Variants in CRYBG3 observed in about 807,000 individuals in gnomAD.
The protein encoded by CRYBG3 is crystallin beta-gamma domain containing 3.
In CRYBG3, 127 loss-of-function variants were observed where a neutral mutation model predicts 244.2. The ratio of observed to expected loss-of-function variants is 0.52; its 90% CI spans 0.45 to 0.60. The LOEUF is 0.60. CRYBG3 is among the 20% of genes least tolerant of loss of function. The pLI is 0.00. For missense variants in CRYBG3, 3,325 were observed against 3,442.5 expected (o/e 0.97, Z 0.85); for synonymous variants, 1,132 against 1,195.8 (o/e 0.95, Z 1.10).
chr3:97,840,216 G>T (rs961748493), intron 1 of CRYBG3, among the ~76,000 whole-genome samples: 6 of 151,982 alleles, frequency 3.9e-5, no homozygotes, highest in African/African-American at 1.2e-4. Context: ...GTGGTTCTGG[G>T]TAACAGTTGT....
intron 9 of CRYBG3, among the ~76,000 whole-genome samples, chr3:97,888,986 T>G (rs2039541471): frequency 6.6e-6 from 1 of 152,266 alleles, no homozygotes; most frequent in Non-Finnish European, 1.5e-5. Flanking sequence ...CTCTGCTGAA[T>G]GAGATTTCTA....
intron 17 of CRYBG3, among the ~76,000 whole-genome samples, chr3:97,926,627 G>C (rs2040043101): frequency 6.6e-6 from 1 of 151,948 alleles, no homozygotes; most frequent in Non-Finnish European, 1.5e-5. Flanking sequence ...AGGGAGTCAA[G>C]CTATCTCTCT....
intron 1 of CRYBG3, among the ~76,000 whole-genome samples, chr3:97,839,709 T>C (rs1273187200): frequency 6.6e-6 from 1 of 151,798 alleles, no homozygotes; most frequent in Admixed American, 6.6e-5. Context: ...TACAGTGGCG[T>C]CCTGAATAGC....
intron 3 of CRYBG3, among the ~76,000 whole-genome samples, chr3:97,865,163 A>G (rs1213691459): frequency 6.6e-6 from 1 of 152,224 alleles, no homozygotes; most frequent in East Asian, 1.9e-4. Flanking sequence ...TTTGATTAAC[A>G]AACACACATC....
At chr3:97,840,085 A>G (rs368338008) in intron 1 of CRYBG3, among the ~76,000 whole-genome samples, 99 of 152,142 alleles carry the variant, frequency 6.5e-4, no homozygotes, top group South Asian at 1.4e-3. Context: ...AAAAAATACA[A>G]GTAAAACCAG....
At chr3:97,942,734 A>G in intron 21 of CRYBG3, 1 of 264,314 alleles carries the variant, frequency 3.8e-6, no homozygotes, top group Non-Finnish European at 7.0e-6. Context: ...AATGAATGTC[A>G]TCTGTTTCTT....
chr3:97,890,600 G>A (rs1469954433), intron 10 of CRYBG3, among the ~76,000 whole-genome samples: 2 of 152,104 alleles, frequency 1.3e-5, no homozygotes, highest in East Asian at 3.8e-4. Flanking sequence ...ATAAAACTTT[G>A]TCATCTCAAA....
intron 15 of CRYBG3, among the ~76,000 whole-genome samples, chr3:97,907,348 A>C (rs1466740955): frequency 6.6e-6 from 1 of 152,176 alleles, no homozygotes; most frequent in Non-Finnish European, 1.5e-5. Context: ...TACCTCTGGT[A>C]GAATTCGGCT....
In CRYBG3 at chr3:97,864,425, A is replaced by G; in HGVS notation, c.425A>G (p.Gln142Arg). ...SGKSSLGEAK[Q>R]SSFKDDQDKT... ...AAATCATCTCTAGGTGAAGCTAAGC[A>G]GTCTTCTTTCAAAGATGACCAGGAT... Residue 142 changes from glutamine (Q) to arginine (R), a missense_variant, in exon 3 of 22, where the codon CAG becomes CGG. Physicochemically the swap from Gln to Arg is conservative, Grantham distance 43. Around this residue, in one of 4 missense-constraint regions of CRYBG3, gnomAD observed 1,526 missense variants for 1,443.2 expected, o/e 1.06. Coordinates refer to ENST00000389622, the MANE Select transcript of CRYBG3 (RefSeq NM_153605.4). 6.5e-7 allele frequency: 1 copy of G among 1,535,802 alleles called. No individual in the cohort carries two copies. The highest frequency in any genetic ancestry group is 8.7e-7 in the Non-Finnish European group (1 of 1,146,636).
chr3:97,899,104 T>C (rs1400608230), intron 13 of CRYBG3, 33 bp from the exon 14 acceptor site: 1 of 1,600,814 alleles, frequency 6.2e-7, no homozygotes, highest in Non-Finnish European at 8.5e-7. Context: ...TCACTTGTTT[T>C]TATTTTTTTG....
At position 97,941,176 on chromosome 3, in the gene CRYBG3, G is replaced by A. The variant is rs764082099; in HGVS notation, c.8534G>A (p.Arg2845His). 2.1e-5 allele frequency: 34 copies of A among 1,610,952 alleles called. No individual in the cohort carries two copies. Among genetic ancestry groups the A allele is most frequent in the Admixed American group, 1.8e-4 (11 of 59,752 alleles). Residue 2845 changes from arginine to histidine, a missense_variant, in exon 20 of 22, where the codon CGT becomes CAT. Arg to His is a conservative substitution (Grantham distance 29). Transcript: ENST00000389622. ...QPAVYIRIKN[R>H]AQGEYLTVTG... is the part of the protein sequence containing the mutation. ...GCAGTGTACATCAGAATAAAGAACC[G>A]TGCCCAGGGTGAATATCTGACAGTC...
intron 20 of CRYBG3, 82 bp downstream of exon 20, chr3:97,941,388 C>A: frequency 1.0e-6 from 1 of 982,512 alleles, no homozygotes; most frequent in Non-Finnish European, 1.4e-6. Flanking sequence ...AATCAACTGG[C>A]ATGATAAAAC....
chr3:97,923,643 A>G (rs924459725), intron 17 of CRYBG3, among the ~76,000 whole-genome samples: 36 of 152,108 alleles, frequency 2.4e-4, no homozygotes, highest in African/African-American at 7.7e-4. Context: ...AAGAGCATCT[A>G]TGGTGTAAAT....
chr3:97,880,805 C>A (rs922188165), intron 6 of CRYBG3, among the ~76,000 whole-genome samples: 2 of 152,212 alleles, frequency 1.3e-5, no homozygotes, highest in African/African-American at 4.8e-5. Context: ...AAAGAGCATA[C>A]ATACATAAAT....
chr3:97,875,833 G>A lies in CRYBG3; in HGVS notation c.4639G>A (p.Gly1547Arg). The A allele has an allele frequency of 8.1e-7, 1 of 1,231,754 alleles. No individual in the cohort carries two copies. The allele number at this position is 1,231,754 out of a possible 1,614,324, so 76.3% of individuals were successfully genotyped here. Residue 1547 changes from glycine to arginine, a missense_variant, in exon 4 of 22, where the codon GGG becomes AGG. Physicochemically the swap from Gly to Arg is moderately radical, Grantham distance 125 (BLOSUM62 -2). This residue lies in a region of CRYBG3 where 635 missense variants were observed against 771.7 expected (regional missense o/e 0.82). Coordinates refer to ENST00000389622, the MANE Select transcript of CRYBG3 (RefSeq NM_153605.4). ...ACTTATACCTTCCATGTTAGAAACA[G>A]GGAAAACAAACAAAAAGGATGCTGA... ...IELIPSMLET[G>R]KTNKKDAELN... is the part of the protein sequence containing the mutation.
Position 97,881,209 on chromosome 3 carries a change from G to T in CRYBG3, c.7142G>T (p.Arg2381Leu), listed in dbSNP as rs11918990. The change falls in exon 7 of 22, where the codon CGT becomes CTT. Residue 2381 changes from arginine to leucine, a missense_variant. Coordinates refer to ENST00000389622, the MANE Select transcript of CRYBG3 (RefSeq NM_153605.4). ...AACTTTATATTGGGTTCTCTCAAAC[G>T]TGTCTTAAAGGTAACAACTGTAGAT... is the stretch of plus-strand genomic sequence containing the variant. ...QRNFILGSLKRVLKDCSIPEI... is the reference protein window; with the variant it reads ...QRNFILGSLKLVLKDCSIPEI... The T allele has an allele frequency of 7.9e-4, 1,271 of 1,600,858 alleles. 13 individuals are homozygous for T. In the African/African-American group the frequency reaches 0.015, roughly 19 times the overall value.
Position 97,880,080 on chromosome 3 carries a change from A to G in CRYBG3, c.6984A>G (p.Leu2328=). 1 of 1,583,966 alleles carries G rather than the reference A, an allele frequency of 6.3e-7. No individual in the cohort carries two copies. Among genetic ancestry groups the G allele is most frequent in the Non-Finnish European group, 8.6e-7 (1 of 1,158,144 alleles). The part of the protein sequence containing the change: ...ATSWSFPNGV[L]IKVVRGCWIL... Reference sequence around the variant, plus strand: ...CATGGTCTTTTCCAAATGGAGTTCTAATAAAAGTTGTAAGGGGCTGGTAAG... The same window carrying G: ...CATGGTCTTTTCCAAATGGAGTTCTGATAAAAGTTGTAAGGGGCTGGTAAG... The change falls in exon 6 of 22, where the codon CTA becomes CTG. Residue 2328 remains leucine, a synonymous_variant. Coordinates refer to ENST00000389622, the MANE Select transcript of CRYBG3 (RefSeq NM_153605.4).
intron 19 of CRYBG3, among the ~76,000 whole-genome samples, chr3:97,938,233 T>C (rs927660095): frequency 6.6e-6 from 1 of 152,022 alleles, no homozygotes. Context: ...AAAATGGGGA[T>C]AATGATTCCT....
rs540056582 is a variant in CRYBG3 at position 97,874,133 on chromosome 3, C to A, written c.2939C>A (p.Ser980Tyr). Residue 980 changes from serine (S) to tyrosine (Y), a missense_variant, in exon 4 of 22, where the codon TCT (serine) becomes TAT (tyrosine). Coordinates refer to ENST00000389622, the MANE Select transcript of CRYBG3 (RefSeq NM_153605.4). ...SLDICGTKKI[S>Y]GHSEMAELSL... ...GATATTTGTGGGACTAAAAAGATTTCTGGTCACTCAGAAATGGCGGAACTC... is the reference window on the plus strand; with the variant it reads ...GATATTTGTGGGACTAAAAAGATTTATGGTCACTCAGAAATGGCGGAACTC... 2 of 1,534,382 alleles carry A rather than the reference C, an allele frequency of 1.3e-6. No homozygotes were observed. Among genetic ancestry groups the A allele is most frequent in the East Asian group, 4.9e-5 (2 of 40,898 alleles).
Sources: allele counts gnomAD v4.1 joint callset (sites outside exome capture counted in the v4.1 genomes callset), GRCh38; gene constraint gnomAD v4.1.1; regional missense constraint gnomAD v4.1.1; transcripts MANE v1.5; gene names NCBI Gene and HGNC (gene_info 2026-07-23, HGNC 2026-07-21).